The following NR1D2 variants were observed in gnomAD, a reference collection of about 807,000 sequenced individuals.
NR1D2 encodes V-erbA-related protein 1-related.
Under a neutral mutation model 52.2 loss-of-function variants are expected in NR1D2, and 25 were observed. That is an observed-to-expected ratio of 0.48 (90% confidence interval 0.35 to 0.67). The LOEUF (loss-of-function observed/expected upper bound fraction) is 0.67. NR1D2 is among the 30% of genes least tolerant of loss of function. The probability of loss-of-function intolerance (pLI) is 0.01; values close to 1 mark genes in which losing one functional copy is unlikely to be tolerated. For missense variants in NR1D2, 681 were observed against 707.2 expected (o/e 0.96, Z 0.42); for synonymous variants, 259 against 230.1 (o/e 1.13, Z -1.14).
chr3:23,954,827 G>T, intron 2 of NR1D2, 24 bp downstream of exon 2: 1 of 1,605,594 alleles, frequency 6.2e-7, no homozygotes, highest in Non-Finnish European at 8.5e-7. Context: ...GTTTTCTAAA[G>T]ATTGCTGCCA....
chr3:23,969,835 T>C (rs1706541434), intron 7 of NR1D2, among the ~76,000 whole-genome samples: 1 of 152,044 alleles, frequency 6.6e-6, no homozygotes, highest in Non-Finnish European at 1.5e-5. Context: ...TGGGGAAAGA[T>C]AGAAGTGGAG....
chr3:23,961,782 A>G (rs1355792214), intron 4 of NR1D2, among the ~76,000 whole-genome samples, 195 bp from the exon 5 acceptor site: 1 of 151,970 alleles, frequency 6.6e-6, no homozygotes, highest in African/African-American at 2.4e-5. Context: ...GAAAATAGAA[A>G]ATTTTCTCTC....
chr3:23,956,318 T>C (rs1706079411), intron 3 of NR1D2, among the ~76,000 whole-genome samples, 193 bp downstream of exon 3: 1 of 152,090 alleles, frequency 6.6e-6, no homozygotes, highest in African/African-American at 2.4e-5. Context: ...TGAAAGTATT[T>C]CTTTTTTCTT....
At position 23,956,066 on chromosome 3, in the gene NR1D2, G is replaced by A; in HGVS notation, c.313G>A (p.Val105Ile). 6.2e-7 allele frequency: 1 copy of A among 1,614,044 alleles called. No homozygotes were observed. The highest frequency in any genetic ancestry group is 8.5e-7 in the Non-Finnish European group (1 of 1,179,944). Residue 105 changes from valine to isoleucine, a missense_variant, in exon 3 of 8, where the codon GTC (valine) becomes ATC (isoleucine). Physicochemically the swap from Val to Ile is conservative, Grantham distance 29 (BLOSUM62 3). Transcript: ENST00000312521. The part of the protein sequence containing the change: ...KFSGMVLLCK[V>I]CGDVASGFHY... ...TAGTGGCATGGTTCTACTGTGTAAAGTCTGTGGGGATGTGGCGTCAGGATT... is the reference window on the plus strand; with the variant it reads ...TAGTGGCATGGTTCTACTGTGTAAAATCTGTGGGGATGTGGCGTCAGGATT...
At chr3:23,965,373 G>T (rs1012605394) in intron 6 of NR1D2, among the ~76,000 whole-genome samples, 3 of 150,714 alleles carry the variant, frequency 2.0e-5, no homozygotes, top group Admixed American at 2.0e-4. Context: ...TGAGTAGCTG[G>T]GACTACAGGT....
chr3:23,956,229 G>A lies in NR1D2; in HGVS notation c.372+104G>A, dbSNP rs1436189590. 1.2e-5 allele frequency: 10 copies of A among 836,832 alleles called. No individual in the cohort carries two copies. In the East Asian group the frequency reaches 2.4e-4, roughly 20 times the overall value. 51.8% of individuals were successfully genotyped at this position (836,832 alleles called of 1,614,324 possible). ...TTGATAGTCTGAGAGACAGTGAGAA[G>A]TCAGCTGCTCTTTTTAAGTTTTAAG... On this transcript the variant is annotated intron_variant, in intron 3 of 7. Coordinates refer to ENST00000312521, the MANE Select transcript of NR1D2 (RefSeq NM_005126.5).
rs1559333307 is a variant in NR1D2, at chr3:23,959,825, C to CA, written c.517+11dup. ...GGAATGTCAAGAGATGGTATGTTCC[C>CA]AGTTTAAAGAGTGTTCCTAAAGTGT... is the stretch of plus-strand genomic sequence containing the variant. On this transcript the variant is annotated intron_variant, in intron 4 of 7. Coordinates refer to ENST00000312521, the MANE Select transcript of NR1D2 (RefSeq NM_005126.5). The CA allele has an allele frequency of 1.9e-6, 3 of 1,609,056 alleles. No individual in the cohort carries two copies. The African/African-American group carries it at 4.0e-5, about 22-fold the overall frequency.
In NR1D2 at chr3:23,980,096, T is replaced by C. The variant is rs1706837931; in HGVS notation, c.*2677T>C. ...ATGGTTTAATTACAGATTAAAAAAT[T>C]AGAAGGAAATTTCAGTGGATTAAGT... On this transcript the variant is annotated 3_prime_UTR_variant, in exon 8 of 8. Transcript: ENST00000312521. The C allele has an allele frequency of 6.6e-6, 1 of 152,102 alleles. No homozygotes were observed. Among genetic ancestry groups the C allele is most frequent in the South Asian group, 2.1e-4 (1 of 4,826 alleles). 9.4% of individuals were successfully genotyped at this position (152,102 alleles called of 1,614,324 possible).
Position 23,962,160 on chromosome 3 carries a change from A to G in NR1D2, c.701A>G (p.Glu234Gly). Residue 234 changes from glutamate (E) to glycine (G), a missense_variant, in exon 5 of 8, where the codon GAG (glutamate) becomes GGG (glycine). By Grantham distance (98) the Glu-to-Gly change is moderately conservative. Coordinates refer to ENST00000312521, the MANE Select transcript of NR1D2 (RefSeq NM_005126.5). ...QEQLRPKPQL[E>G]QENIKSSSPP... The stretch of plus-strand genomic sequence containing the variant: ...CAGCTGCGACCCAAGCCCCAACTGG[A>G]GCAAGAAAACATCAAAAGCTCTTCT... 6.2e-7 allele frequency: 1 copy of G among 1,614,184 alleles called. No individual in the cohort carries two copies. Among genetic ancestry groups the G allele is most frequent in the Non-Finnish European group, 8.5e-7 (1 of 1,180,028 alleles).
Position 23,945,590 on chromosome 3 carries a change from T to C in NR1D2, c.12T>C (p.Asn4=). 1 of 1,159,688 alleles carries C rather than the reference T, an allele frequency of 8.6e-7. No homozygotes were observed. The highest frequency in any genetic ancestry group is 1.1e-6 in the Non-Finnish European group (1 of 935,594). The allele number at this position is 1,159,688 out of a possible 1,614,324, so 71.8% of individuals were successfully genotyped here. A position where few individuals can be genotyped will look rare whatever the true frequency, so the allele number is the denominator to read the frequency against. Residue 4 remains asparagine, a synonymous_variant, in exon 1 of 8, where the codon AAT becomes AAC. Transcript: ENST00000312521. Reference sequence around the variant, plus strand: ...TCCGCGAGGGCACCATGGAGGTGAATGCAGGTAAGAACCGGACTGCGGCGG... The same window carrying C: ...TCCGCGAGGGCACCATGGAGGTGAACGCAGGTAAGAACCGGACTGCGGCGG... MEV[N]AGGVIAYISS... is the part of the protein sequence containing the mutation.
intron 7 of NR1D2, among the ~76,000 whole-genome samples, chr3:23,972,325 TG>T (rs1339391678): frequency 6.6e-6 from 1 of 152,248 alleles, no homozygotes; most frequent in Admixed American, 6.5e-5. Context: ...CCCATTAGTC[TG>T]GCTTCAAAGC....
chr3:23,955,734 TCA>T (rs1253839061), intron 2 of NR1D2, among the ~76,000 whole-genome samples: 1 of 151,938 alleles, frequency 6.6e-6, no homozygotes, highest in Non-Finnish European at 1.5e-5. Flanking sequence ...GGCATGAGAA[TCA>T]CATGAACCTG....
intron 6 of NR1D2, among the ~76,000 whole-genome samples, chr3:23,965,471 T>G (rs1169010282): frequency 6.6e-6 from 1 of 151,180 alleles, no homozygotes; most frequent in African/African-American, 2.4e-5. Flanking sequence ...GGTCTCAAAC[T>G]CCTGAGCTCA....
chr3:23,948,174 G>A (rs1054776137), intron 1 of NR1D2, among the ~76,000 whole-genome samples: 4 of 151,994 alleles, frequency 2.6e-5, no homozygotes, highest in African/African-American at 9.7e-5. Flanking sequence ...GACCAAGGTG[G>A]GGCCAGATTC....
intron 3 of NR1D2, among the ~76,000 whole-genome samples, 175 bp downstream of exon 3, chr3:23,956,300 T>A (rs2125286627): frequency 6.6e-6 from 1 of 152,390 alleles, no homozygotes; most frequent in Non-Finnish European, 1.5e-5. Context: ...ATAATATTCT[T>A]AATTCAGTGA....
At position 23,978,217 on chromosome 3, in the gene NR1D2, CAT is replaced by C. The variant is rs973314570; in HGVS notation, c.*800_*801del. The stretch of plus-strand genomic sequence containing the variant: ...TCAAAGTTTATGGGTACAACAAAGA[CAT>C]AGTACATGTACATAATATGTATGTG... On this transcript the variant is annotated 3_prime_UTR_variant, in exon 8 of 8. Transcript: ENST00000312521. The C allele has an allele frequency of 9.9e-5, 15 of 152,192 alleles. No individual in the cohort carries two copies. Among genetic ancestry groups the C allele is most frequent in the Admixed American group, 4.6e-4 (7 of 15,280 alleles). 9.4% of individuals were successfully genotyped at this position (152,192 alleles called of 1,614,324 possible). A position where few individuals can be genotyped will look rare whatever the true frequency, so the allele number is the denominator to read the frequency against.
chr3:23,973,850 C>G (rs62253388), intron 7 of NR1D2, among the ~76,000 whole-genome samples: 748 of 151,886 alleles, frequency 4.9e-3, no homozygotes, highest in Non-Finnish European at 8.9e-3. Flanking sequence ...TATTTATTTA[C>G]TTCTTAAACT....
chr3:23,959,637 T>C, intron 3 of NR1D2, 34 bp from the exon 4 acceptor site: 2 of 1,595,826 alleles, frequency 1.3e-6, no homozygotes, highest in Non-Finnish European at 1.7e-6. Context: ...TTGGGTGTTT[T>C]TAAATGGGTA....
At chr3:23,957,736 AG>A (rs1242537238) in intron 3 of NR1D2, among the ~76,000 whole-genome samples, 1 of 151,976 alleles carries the variant, frequency 6.6e-6, no homozygotes, top group Non-Finnish European at 1.5e-5. Flanking sequence ...AAAAAAAAAA[AG>A]TGAAGTAATA....
Sources: gnomAD v4.1 joint callset for allele counts (sites outside exome capture counted in the v4.1 genomes callset) on GRCh38, gnomAD v4.1.1 for gene constraint, MANE v1.5 for transcripts, NCBI Gene and HGNC (gene_info 2026-07-23, HGNC 2026-07-21) for gene names.